Variants in SRCIN1 observed in about 807,000 individuals in gnomAD.
The protein encoded by SRCIN1 is SRC kinase signaling inhibitor 1.
SRCIN1 carries 50 observed loss-of-function variants against 116.2 expected under a neutral mutation model. The ratio of observed to expected loss-of-function variants is 0.43; its 90% confidence interval spans 0.34 to 0.54. SRCIN1 has a LOEUF of 0.54. Among genes scored for constraint, SRCIN1 ranks in the 20% least tolerant of loss-of-function variants. The pLI is 0.02. For missense variants in SRCIN1, 1,446 were observed against 1,672.0 expected (o/e 0.86, Z 2.36); for synonymous variants, 736 against 750.0 (o/e 0.98, Z 0.30).
At chr17:38,559,322 G>A (rs1368425166) in intron 10 of SRCIN1, 5 of 538,592 alleles carry the variant, frequency 9.3e-6, no homozygotes, top group South Asian at 2.4e-5. Flanking sequence ...GGGGACTCAG[G>A]GAAGGAGAAG....
chr17:38,581,405 C>CAAAAAAAAAAAAAAAAAA (rs1313727690), intron 1 of SRCIN1, among the ~76,000 whole-genome samples: 1 of 56,158 alleles, frequency 1.8e-5, no homozygotes, highest in Non-Finnish European at 4.0e-5. Flanking sequence ...AACTCTGTCT[C>CAAAAAAAAAAAAAAAAAA]AAAAAAAAAA....
intron 7 of SRCIN1, 75 bp from the exon 8 acceptor site, chr17:38,560,500 A>G: frequency 2.3e-6 from 3 of 1,291,524 alleles, no homozygotes; most frequent in Non-Finnish European, 3.3e-6. Context: ...CATTCCTAAG[A>G]TTGGTAACCA....
At chr17:38,589,698 G>A (rs1443564242) in intron 1 of SRCIN1, among the ~76,000 whole-genome samples, 1 of 152,196 alleles carries the variant, frequency 6.6e-6, no homozygotes, top group Non-Finnish European at 1.5e-5. Context: ...GGGCCGGAGA[G>A]CCTCTGCCCA....
chr17:38,574,905 C>G (rs927216318), intron 2 of SRCIN1: 2 of 400,696 alleles, frequency 5.0e-6, no homozygotes, highest in Admixed American at 8.8e-5. Context: ...CCGGAGGGGG[C>G]GGAGTCGCCA....
At chr17:38,599,001 A>G (rs573012310) in intron 1 of SRCIN1, among the ~76,000 whole-genome samples, 73 of 151,674 alleles carry the variant, frequency 4.8e-4, no homozygotes, top group African/African-American at 1.7e-3. Context: ...GTGTGTGTGT[A>G]TGTGTGTGTG....
At chr17:38,557,106 C>G in intron 11 of SRCIN1, among the ~76,000 whole-genome samples, 1 of 152,216 alleles carries the variant, frequency 6.6e-6, no homozygotes, top group East Asian at 1.9e-4. Context: ...TACCCTATTT[C>G]AGCCACATGG....
intron 2 of SRCIN1, among the ~76,000 whole-genome samples, chr17:38,575,545 G>A (rs1220202605): frequency 9.2e-5 from 14 of 152,120 alleles, no homozygotes; most frequent in East Asian, 1.9e-4. Flanking sequence ...CACTGCGCCC[G>A]GCCTCATATC....
rs559071402 is a variant in SRCIN1, at chr17:38,531,831, C to A, written c.*1466G>T. 5 of 152,678 alleles carry A rather than the reference C, an allele frequency of 3.3e-5. No homozygotes were observed. The highest frequency in any genetic ancestry group is 1.2e-4 in the African/African-American group (5 of 41,442). The allele number at this position is 152,678 out of a possible 1,614,324, so 9.5% of individuals were successfully genotyped here. A position where few individuals can be genotyped will look rare whatever the true frequency, so the allele number is the denominator to read the frequency against. On this transcript the variant is annotated 3_prime_UTR_variant, in exon 19 of 19. Coordinates refer to ENST00000617146, the MANE Select transcript of SRCIN1 (RefSeq NM_025248.3). Reference sequence around the variant, plus strand: ...GGGGGGCTCTGCCTTCTGCGCAGCTCCTCCTTTCTGTGCTTGCTATGGGGG... The same window carrying A: ...GGGGGGCTCTGCCTTCTGCGCAGCTACTCCTTTCTGTGCTTGCTATGGGGG...
chr17:38,557,018 T>C, intron 11 of SRCIN1, among the ~76,000 whole-genome samples: 1 of 149,986 alleles, frequency 6.7e-6, no homozygotes, highest in East Asian at 1.9e-4. Context: ...TGAGGAGAGA[T>C]GACACCTGCC....
At chr17:38,598,214 G>A (rs1163360725) in intron 1 of SRCIN1, among the ~76,000 whole-genome samples, 2 of 152,108 alleles carry the variant, frequency 1.3e-5, no homozygotes, top group Non-Finnish European at 2.9e-5. Flanking sequence ...GGACTCATCA[G>A]GCCAGCCTGG....
intron 1 of SRCIN1, among the ~76,000 whole-genome samples, chr17:38,594,223 C>T (rs928606158): frequency 6.6e-6 from 1 of 152,186 alleles, no homozygotes; most frequent in Non-Finnish European, 1.5e-5. Context: ...AGTCTCTCCG[C>T]GTTCTCCTGG....
intron 1 of SRCIN1, among the ~76,000 whole-genome samples, chr17:38,596,471 G>A (rs1908737776): frequency 6.6e-6 from 1 of 152,144 alleles, no homozygotes; most frequent in Admixed American, 6.5e-5. Flanking sequence ...TGGGTTCCCA[G>A]GACAGACAGC....
intron 3 of SRCIN1, among the ~76,000 whole-genome samples, chr17:38,566,878 C>CTTCCTTCA (rs1351802763): frequency 6.8e-6 from 1 of 147,150 alleles, no homozygotes; most frequent in Non-Finnish European, 1.5e-5. Context: ...TCCTTCCTTC[C>CTTCCTTCA]TTCCTTCCTT....
Position 38,580,277 on chromosome 17 carries a change from A to AAC in SRCIN1, c.23-1488_23-1487dup, listed in dbSNP as rs151312373. 4.6e-3 allele frequency among the ~76,000 whole-genome samples: 688 copies of AAC among 150,336 alleles called. 3 individuals are homozygous for AAC. The highest frequency in any genetic ancestry group is 0.011 in the African/African-American group (446 of 41,124). On this transcript the variant is annotated intron_variant, in intron 1 of 18. Transcript: ENST00000617146. Reference sequence around the variant, plus strand: ...GTTTCAAGAAAAGCCACCTGCCCCCAACACACACACACACACACATACACA... The same window carrying AAC: ...GTTTCAAGAAAAGCCACCTGCCCCCAACACACACACACACACACACATACACA...
At position 38,572,215 on chromosome 17, in the gene SRCIN1, A is replaced by G. The variant is rs1359916896; in HGVS notation, c.325-3984T>C. On this transcript the variant is annotated intron_variant, in intron 2 of 18. Coordinates refer to ENST00000617146, the MANE Select transcript of SRCIN1 (RefSeq NM_025248.3). This position sits in a 1 kb window ranked among gnomAD's most constrained non-coding sequence, Gnocchi z 4.3. ...CTCTCAACTCCCATGAACACGAGTC[A>G]GCGTAAACACTCGTCCCCCGGGCTG... Among the ~76,000 whole-genome samples, 3 of 152,196 alleles carry G rather than the reference A, an allele frequency of 2.0e-5. No individual in the cohort carries two copies. The highest frequency in any genetic ancestry group is 4.1e-4 in the South Asian group (2 of 4,832).
chr17:38,574,847 G>T (rs768068499), intron 2 of SRCIN1: 4 of 400,696 alleles, frequency 1.0e-5, no homozygotes, highest in African/African-American at 6.2e-5. Flanking sequence ...CCATGGGCTT[G>T]GGGGGTGGGG....
At position 38,568,143 on chromosome 17, in the gene SRCIN1, G is replaced by A; in HGVS notation, c.345+68C>T. ...CACCCCGGTGCAAAGCCTGTGCAAGGGAGAGGCAGGGGCAGGGGAGGGAGA... is the reference window on the plus strand; with the variant it reads ...CACCCCGGTGCAAAGCCTGTGCAAGAGAGAGGCAGGGGCAGGGGAGGGAGA... On this transcript the variant is annotated intron_variant, in intron 3 of 18. Coordinates refer to ENST00000617146, the MANE Select transcript of SRCIN1 (RefSeq NM_025248.3). This position sits in a 1 kb window ranked among gnomAD's most constrained non-coding sequence, Gnocchi z 4.5. The A allele has an allele frequency of 6.3e-7, 1 of 1,587,524 alleles. No homozygotes were observed. Among genetic ancestry groups the A allele is most frequent in the South Asian group, 1.1e-5 (1 of 88,964 alleles).
intron 11 of SRCIN1, among the ~76,000 whole-genome samples, chr17:38,557,773 G>A (rs935773947): frequency 2.0e-5 from 3 of 152,228 alleles, no homozygotes; most frequent in African/African-American, 7.2e-5. Flanking sequence ...TGGACTCAGA[G>A]ATCAGGGAAT....
intron 18 of SRCIN1, chr17:38,541,426 G>A (rs1452816801): frequency 6.6e-6 from 1 of 152,216 alleles, no homozygotes; most frequent in Non-Finnish European, 1.5e-5. Flanking sequence ...CAGCAGCTGG[G>A]GCAGCCTCGT....
Sources: allele counts gnomAD v4.1 joint callset (sites outside exome capture counted in the v4.1 genomes callset), GRCh38; gene constraint gnomAD v4.1.1; non-coding constraint Gnocchi (gnomAD v3.1); transcripts MANE v1.5; gene names NCBI Gene and HGNC (gene_info 2026-07-23, HGNC 2026-07-21).